The following HNRNPM variants were observed in gnomAD, a reference collection of about 807,000 sequenced individuals.
The protein encoded by HNRNPM is CEA receptor.
A neutral mutation model predicts 73.1 loss-of-function variants in HNRNPM; 11 were observed. That is an observed-to-expected ratio of 0.15 (90% CI 0.09 to 0.25). The LOEUF is 0.25. Ranked by LOEUF, HNRNPM falls within the 10% of genes least tolerant of loss-of-function variation. The pLI is 1.00. For missense variants in HNRNPM, 789 were observed against 1,067.9 expected, an observed-to-expected ratio of 0.74 and a Z score of 3.64; for synonymous variants, 407 against 355.2, an observed-to-expected ratio of 1.15 and a Z score of -1.64.
In HNRNPM at chr19:8,486,152, G is replaced by T; in HGVS notation, c.1724G>T (p.Ser575Ile). The change falls in exon 14 of 16, where the codon AGC (serine) becomes ATC (isoleucine). Residue 575 changes from serine to isoleucine, a missense_variant. Ser to Ile is a moderately radical substitution (Grantham distance 142). Coordinates refer to ENST00000325495, the MANE Select transcript of HNRNPM (RefSeq NM_005968.5). ...RMGLERMGAN[S>I]LERMGLERMG... ...GGCCTGGAGCGCATGGGCGCCAACAGCCTCGAGCGCATGGGCCTGGAGCGC... is the reference window on the plus strand; with the variant it reads ...GGCCTGGAGCGCATGGGCGCCAACATCCTCGAGCGCATGGGCCTGGAGCGC... The T allele has an allele frequency of 6.2e-7, 1 of 1,604,314 alleles. No individual in the cohort carries two copies.
chr19:8,463,777 G>T, intron 5 of HNRNPM, 91 bp downstream of exon 5: 1 of 858,780 alleles, frequency 1.2e-6, no homozygotes, highest in South Asian at 1.5e-5. Context: ...GTCCCAGACG[G>T]CATTTACAAA....
At position 8,465,468 on chromosome 19, in the gene HNRNPM, C is replaced by T; in HGVS notation, c.583C>T (p.His195Tyr). ...TCCCAACATCCCAAATGAGATTATC[C>T]ATGCATTACAGGCTGGAAGACTTGG... ...NNPNIPNEII[H>Y]ALQAGRLGST... Residue 195 changes from histidine to tyrosine, a missense_variant, in exon 6 of 16, where the codon CAT becomes TAT. His to Tyr is a moderately conservative substitution (Grantham distance 83). Transcript: ENST00000325495. 2 of 1,613,170 alleles carry T rather than the reference C, an allele frequency of 1.2e-6. No individual in the cohort carries two copies. Among genetic ancestry groups the T allele is most frequent in the Non-Finnish European group, 1.7e-6 (2 of 1,179,380 alleles).
At chr19:8,456,928 A>G (rs1225910686) in intron 2 of HNRNPM, among the ~76,000 whole-genome samples, 1 of 152,182 alleles carries the variant, frequency 6.6e-6, no homozygotes, top group Non-Finnish European at 1.5e-5. Flanking sequence ...TGCATCCCAG[A>G]TGCAGTGTTC....
chr19:8,470,143 C>T (rs918658035), intron 9 of HNRNPM, among the ~76,000 whole-genome samples: 13 of 152,326 alleles, frequency 8.5e-5, no homozygotes, highest in Admixed American at 3.9e-4. Context: ...CTTGGTCTCC[C>T]GGCCATTTCG....
chr19:8,484,411 G>A (rs1472626515), intron 13 of HNRNPM, among the ~76,000 whole-genome samples: 1 of 152,080 alleles, frequency 6.6e-6, no homozygotes, highest in Non-Finnish European at 1.5e-5. Context: ...TCCTGACCTT[G>A]TTCCGCCCGC....
intron 12 of HNRNPM, among the ~76,000 whole-genome samples, chr19:8,481,262 G>A (rs980870508): frequency 6.6e-6 from 1 of 152,240 alleles, no homozygotes; most frequent in Non-Finnish European, 1.5e-5. Flanking sequence ...ATCGCCAGAG[G>A]TCTGTGCATC....
intron 9 of HNRNPM, among the ~76,000 whole-genome samples, chr19:8,469,892 G>A (rs1002142514): frequency 6.6e-6 from 1 of 152,254 alleles, no homozygotes; most frequent in African/African-American, 2.4e-5. Flanking sequence ...CATTATGGCA[G>A]CATGACAGAT....
intron 2 of HNRNPM, 78 bp downstream of exon 2, chr19:8,455,652 GGTCA>G: frequency 7.8e-7 from 1 of 1,275,248 alleles, no homozygotes; most frequent in East Asian, 2.3e-5. Context: ...GGTTATTTTT[GGTCA>G]GTGGAAGCGG....
chr19:8,469,567 G>A lies in HNRNPM; in HGVS notation c.895+733G>A, dbSNP rs147967649. 3.9e-4 allele frequency among the ~76,000 whole-genome samples: 60 copies of A among 152,350 alleles called. No homozygotes were observed. The East Asian group carries it at 6.4e-3, about 16-fold the overall frequency. On this transcript the variant is annotated intron_variant, in intron 9 of 15. Transcript: ENST00000325495. ...TGACACCCAGGTGAAAATCTGTCTCGTGACAGGGAAGGCTAGTTGATGGGC... is the reference window on the plus strand; with the variant it reads ...TGACACCCAGGTGAAAATCTGTCTCATGACAGGGAAGGCTAGTTGATGGGC...
At chr19:8,463,551 T>C (rs1305212205) in intron 4 of HNRNPM, 42 bp from the exon 5 acceptor site, 2 of 1,612,858 alleles carry the variant, frequency 1.2e-6, no homozygotes, top group Non-Finnish European at 1.7e-6. Context: ...TTCTAACTTG[T>C]AGGACTGGTT....
chr19:8,464,316 C>T (rs115407747), intron 5 of HNRNPM, among the ~76,000 whole-genome samples: 6,109 of 152,164 alleles, frequency 0.04, 273 homozygotes, highest in African/African-American at 0.11. Context: ...AAATATATTC[C>T]TTGAGGAAGA....
intron 8 of HNRNPM, 30 bp downstream of exon 8, chr19:8,467,614 T>A: frequency 2.7e-6 from 4 of 1,500,996 alleles, no homozygotes; most frequent in Non-Finnish European, 3.7e-6. Flanking sequence ...CTCTGTGATA[T>A]ACTCAAGTCT....
rs33931165 is a variant in HNRNPM at position 8,484,173 on chromosome 19, CTT to C, written c.1174+980_1174+981del. ...ACGCTGGTACCATTTCCTCCCATTT[CTT>C]TTTTTTTTTTTTTTTTTGAGAGACG... On this transcript the variant is annotated intron_variant, in intron 13 of 15. Coordinates refer to ENST00000325495, the MANE Select transcript of HNRNPM (RefSeq NM_005968.5). 3.1e-3 allele frequency among the ~76,000 whole-genome samples: 343 copies of C among 110,098 alleles called. 4 individuals carry two copies. In the East Asian group the frequency reaches 0.055, roughly 18 times the overall value. The allele number at this position is 110,098 out of a possible 152,430, so 72.2% of individuals were successfully genotyped here.
chr19:8,469,267 G>A (rs888540910), intron 9 of HNRNPM, among the ~76,000 whole-genome samples: 7 of 152,284 alleles, frequency 4.6e-5, no homozygotes, highest in Non-Finnish European at 5.9e-5. Flanking sequence ...GATGAACCTC[G>A]ATTTCATCTA....
At chr19:8,466,468 A>G in intron 7 of HNRNPM, 80 bp downstream of exon 7, 1 of 1,335,768 alleles carries the variant, frequency 7.5e-7, no homozygotes, top group Non-Finnish European at 1.1e-6. Context: ...TGTGAGGAAG[A>G]GGTGACTGTG....
At chr19:8,474,453 C>T (rs1045686908) in intron 12 of HNRNPM, among the ~76,000 whole-genome samples, 3 of 152,150 alleles carry the variant, frequency 2.0e-5, no homozygotes, top group African/African-American at 7.2e-5. Context: ...TTGAGATGTC[C>T]TGTGTTCCCA....
intron 1 of HNRNPM, among the ~76,000 whole-genome samples, chr19:8,454,453 C>T (rs369727127): frequency 1.3e-5 from 2 of 152,180 alleles, no homozygotes; most frequent in South Asian, 2.1e-4. Flanking sequence ...ATGGATAGTC[C>T]GTGTTTTGTT....
In HNRNPM at chr19:8,466,352, A is replaced by G; in HGVS notation, c.748A>G (p.Thr250Ala). 1 of 1,614,120 alleles carries G rather than the reference A, an allele frequency of 6.2e-7. No individual in the cohort carries two copies. Among genetic ancestry groups the G allele is most frequent in the Non-Finnish European group, 8.5e-7 (1 of 1,179,964 alleles). Residue 250 changes from threonine to alanine, a missense_variant, in exon 7 of 16, where the codon ACT becomes GCT. By Grantham distance (58) the Thr-to-Ala change is moderately conservative. Transcript: ENST00000325495. Reference sequence around the variant, plus strand: ...AAAAAGTCGTGGAATAGGCACTGTTACTTTTGAACAGTCCATTGAAGCTGT... The same window carrying G: ...AAAAAGTCGTGGAATAGGCACTGTTGCTTTTGAACAGTCCATTGAAGCTGT... ...DGKSRGIGTVTFEQSIEAVQA... is the reference protein window; with the variant it reads ...DGKSRGIGTVAFEQSIEAVQA...
chr19:8,468,683 C>T (rs1969925955), intron 8 of HNRNPM, 91 bp from the exon 9 acceptor site: 2 of 913,672 alleles, frequency 2.2e-6, no homozygotes, highest in Non-Finnish European at 3.6e-6. Context: ...TTTAGCTGGT[C>T]CTCTCTTGAT....
Sources: gnomAD v4.1 joint callset for allele counts (sites outside exome capture counted in the v4.1 genomes callset) on GRCh38, gnomAD v4.1.1 for gene constraint, MANE v1.5 for transcripts, NCBI Gene and HGNC (gene_info 2026-07-23, HGNC 2026-07-21) for gene names.